Variants in CPEB3 observed in about 807,000 individuals in gnomAD.
CPEB3 encodes cytoplasmic polyadenylation element binding protein 3, also known as cytoplasmic polyadenylation element-binding protein 3.
A neutral mutation model predicts 67.2 loss-of-function variants in CPEB3; 20 were observed. The observed-to-expected ratio is 0.30, with a 90% CI of 0.21 to 0.43. The LOEUF (loss-of-function observed/expected upper bound fraction) is 0.43, where lower values mean the gene tolerates loss of function less well. Ranked by LOEUF, CPEB3 falls within the 20% of genes least tolerant of loss-of-function variation. The pLI, the probability that CPEB3 is intolerant of heterozygous loss-of-function variation, is 1.00. For synonymous variants in CPEB3, 376 were observed against 393.1 expected (o/e 0.96, Z 0.51); for missense variants, 746 against 968.6 (o/e 0.77, Z 3.05).
At chr10:92,080,272 C>T (rs117503475) in intron 9 of CPEB3, among the ~76,000 whole-genome samples, 1 of 151,922 alleles carries the variant, frequency 6.6e-6, no homozygotes, top group Non-Finnish European at 1.5e-5. Flanking sequence ...AATACAGGGT[C>T]CAGATTGGCT....
intron 2 of CPEB3, among the ~76,000 whole-genome samples, chr10:92,227,752 C>T (rs1172489368): frequency 8.6e-5 from 13 of 151,938 alleles, no homozygotes; most frequent in Non-Finnish European, 1.3e-4. Flanking sequence ...CTACCTCGCC[C>T]GGCTAATTTT....
At position 92,221,450 on chromosome 10, in the gene CPEB3, G is replaced by A. The variant is rs113461724; in HGVS notation, c.1005+17896C>T. ...AAAGCCTGCAGTGAGACGAGATCACGCCAGTGCACTCCAGCCTGGACAACA... is the reference window on the plus strand; with the variant it reads ...AAAGCCTGCAGTGAGACGAGATCACACCAGTGCACTCCAGCCTGGACAACA... On this transcript the variant is annotated intron_variant, in intron 2 of 9. Coordinates refer to ENST00000265997, the MANE Select transcript of CPEB3 (RefSeq NM_014912.5). Among the ~76,000 whole-genome samples, 985 of 152,238 alleles carry A rather than the reference G, an allele frequency of 6.5e-3. 9 individuals are homozygous for A. The highest frequency in any genetic ancestry group is 0.023 in the African/African-American group (947 of 41,542).
chr10:92,073,552 C>T (rs1011448295), intron 9 of CPEB3, among the ~76,000 whole-genome samples: 4 of 152,108 alleles, frequency 2.6e-5, no homozygotes, highest in African/African-American at 9.6e-5. Flanking sequence ...GATCCTCCTG[C>T]CTCAGCCTCC....
In CPEB3 at chr10:92,140,213, A is replaced by G. The variant is rs557833038; in HGVS notation, c.1453+2816T>C. On this transcript the variant is annotated intron_variant, in intron 6 of 9. Transcript: ENST00000265997. ...AAAAGAACAAAGCTGGAGGCATCAC[A>G]CTACCTGACTTCAAACTATACTACA... Among the ~76,000 whole-genome samples, 772 of 152,288 alleles carry G rather than the reference A, an allele frequency of 5.1e-3. 5 individuals are homozygous for G. Among genetic ancestry groups the G allele is most frequent in the African/African-American group, 0.017 (725 of 41,566 alleles).
At chr10:92,066,456 G>A (rs973072128) in intron 9 of CPEB3, among the ~76,000 whole-genome samples, 4 of 152,098 alleles carry the variant, frequency 2.6e-5, no homozygotes, top group Admixed American at 1.3e-4. Context: ...GAGTATAAAT[G>A]TCCCTGTTTT....
chr10:92,249,592 G>C (rs1027935612), intron 1 of CPEB3, among the ~76,000 whole-genome samples: 1 of 151,746 alleles, frequency 6.6e-6, no homozygotes, highest in African/African-American at 2.4e-5. Flanking sequence ...AGGTTGCAGT[G>C]AGCTGAGATC....
At chr10:92,221,036 T>C (rs754558047) in intron 2 of CPEB3, among the ~76,000 whole-genome samples, 7 of 152,202 alleles carry the variant, frequency 4.6e-5, no homozygotes, top group Non-Finnish European at 7.3e-5. Flanking sequence ...GTTACAATAG[T>C]AGGAACAGAC....
At chr10:92,218,337 G>A (rs1850532607) in intron 2 of CPEB3, among the ~76,000 whole-genome samples, 1 of 152,310 alleles carries the variant, frequency 6.6e-6, no homozygotes, top group South Asian at 2.1e-4. Context: ...AACCTGGGAG[G>A]TGGAGGTCGC....
At chr10:92,098,778 T>C (rs855713) in intron 7 of CPEB3, among the ~76,000 whole-genome samples, 1,878 of 146,466 alleles carry the variant, frequency 0.013, 45 homozygotes, top group African/African-American at 0.045. Context: ...TTCTTTTTTT[T>C]TTTTTTTTTT....
chr10:92,162,824 C>G (rs1343077819), intron 4 of CPEB3, among the ~76,000 whole-genome samples: 1 of 152,126 alleles, frequency 6.6e-6, no homozygotes, highest in African/African-American at 2.4e-5. Flanking sequence ...AAGGGAAGGG[C>G]ATGTTATGCT....
intron 1 of CPEB3, among the ~76,000 whole-genome samples, chr10:92,275,218 C>A (rs1841924187): frequency 6.6e-6 from 1 of 152,188 alleles, no homozygotes; most frequent in Non-Finnish European, 1.5e-5. Context: ...CTCTCCTGTG[C>A]ACTATAGCAT....
At position 92,101,689 on chromosome 10, in the gene CPEB3, T is replaced by C. The variant is rs535942550; in HGVS notation, c.1572+9387A>G. The stretch of plus-strand genomic sequence containing the variant: ...TGGGAGGCCAAGGCAGGCAGATCAC[T>C]TGAGGTCAGGAGTTCGAGACCAGCC... On this transcript the variant is annotated intron_variant, in intron 7 of 9. Transcript: ENST00000265997. Among the ~76,000 whole-genome samples the C allele has an allele frequency of 1.3e-4, 20 of 152,196 alleles. No individual in the cohort carries two copies. In the South Asian group the frequency reaches 1.7e-3, roughly 13 times the overall value.
intron 1 of CPEB3, among the ~76,000 whole-genome samples, chr10:92,280,295 A>T (rs1255690213): frequency 2.2e-5 from 3 of 136,466 alleles, no homozygotes; most frequent in East Asian, 2.4e-4. Context: ...GTGAACCGAG[A>T]TTGTGCCACT....
In CPEB3 at chr10:92,240,254, A is replaced by T. The variant is rs1184187549; in HGVS notation, c.97T>A (p.Ser33Thr). 6 of 1,514,000 alleles carry T rather than the reference A, an allele frequency of 4.0e-6. No individual in the cohort carries two copies. Among genetic ancestry groups the T allele is most frequent in the Non-Finnish European group, 3.5e-6 (4 of 1,129,714 alleles). The allele number at this position is 1,514,000 out of a possible 1,614,324, so 93.8% of individuals were successfully genotyped here. Reference protein sequence around the residue: ...QQQPQPESSVSEAPSTPLSSE... With the variant: ...QQQPQPESSVTEAPSTPLSSE... ...GAGAGGGGCGTGGACGGGGCTTCGG[A>T]TACGCTGGACTCAGGTTGGGGCTGC... Residue 33 changes from serine to threonine, a missense_variant, in exon 2 of 10, where the codon TCC (serine) becomes ACC (threonine). This residue lies in a region of CPEB3 where 643 missense variants were observed against 717.5 expected (regional missense o/e 0.90). Transcript: ENST00000265997.
intron 1 of CPEB3, among the ~76,000 whole-genome samples, chr10:92,255,125 CCCTTTCCT>C (rs1271981922): frequency 6.6e-6 from 1 of 152,136 alleles, no homozygotes; most frequent in East Asian, 1.9e-4. Context: ...CTTTCATATT[CCCTTTCCT>C]CCTTTCTCAG....
At chr10:92,073,840 C>A (rs913659775) in intron 9 of CPEB3, among the ~76,000 whole-genome samples, 1 of 152,190 alleles carries the variant, frequency 6.6e-6, no homozygotes, top group Non-Finnish European at 1.5e-5. Context: ...AGTTTCCAAA[C>A]CTCTCTTAGA....
chr10:92,122,309 C>A (rs1006543346), intron 6 of CPEB3, among the ~76,000 whole-genome samples: 2 of 152,208 alleles, frequency 1.3e-5, no homozygotes, highest in Admixed American at 1.3e-4. Flanking sequence ...CAGGCCACGG[C>A]ATGGAAAGGC....
chr10:92,217,485 G>C (rs1850484311), intron 2 of CPEB3, among the ~76,000 whole-genome samples: 1 of 152,122 alleles, frequency 6.6e-6, no homozygotes. Flanking sequence ...TAACAAGCTG[G>C]GCGTGGTGGC....
At position 92,239,691 on chromosome 10, in the gene CPEB3, C is replaced by A; in HGVS notation, c.660G>T (p.Pro220=). 1 of 1,570,456 alleles carries A rather than the reference C, an allele frequency of 6.4e-7. No individual in the cohort carries two copies. Among genetic ancestry groups the A allele is most frequent in the Non-Finnish European group, 8.6e-7 (1 of 1,161,960 alleles). Residue 220 remains proline, a synonymous_variant, in exon 2 of 10, where the codon CCG becomes CCT. Coordinates refer to ENST00000265997, the MANE Select transcript of CPEB3 (RefSeq NM_014912.5). The surrounding 1 kb of genome is among the most constrained non-coding windows in gnomAD (Gnocchi z 6.0). ...YGHQPIMTSK[P]SSSSAVAAAA... ...CGGCTGCAACCGCCGAAGACGAGGA[C>A]GGCTTGCTGGTCATGATGGGCTGGT...
Sources: gnomAD v4.1 joint callset for allele counts (sites outside exome capture counted in the v4.1 genomes callset) on GRCh38, gnomAD v4.1.1 for gene constraint, gnomAD v4.1.1 regional missense constraint, Gnocchi (gnomAD v3.1) non-coding constraint, MANE v1.5 for transcripts, NCBI Gene and HGNC (gene_info 2026-07-23, HGNC 2026-07-21) for gene names.